The following CNTNAP2 variants were observed in gnomAD, a reference collection of about 807,000 sequenced individuals.
CNTNAP2 encodes contactin associated protein 2, also known as contactin-associated protein-like 2.
In CNTNAP2, 98 loss-of-function variants were observed where a neutral mutation model predicts 155.2. That is an observed-to-expected ratio of 0.63 (90% CI 0.54 to 0.75). The LOEUF (loss-of-function observed/expected upper bound fraction) is 0.75, where lower values mean the gene tolerates loss of function less well. Among genes scored for constraint, CNTNAP2 ranks in the 30% least tolerant of loss-of-function variants. The pLI is 0.00. For synonymous variants in CNTNAP2, 651 were observed against 631.2 expected (o/e 1.03, Z -0.47); for missense variants, 1,727 against 1,688.1 (o/e 1.02, Z -0.40).
intron 1 of CNTNAP2, among the ~76,000 whole-genome samples, chr7:146,721,951 C>G (rs565242521): frequency 1.4e-5 from 2 of 140,612 alleles, no homozygotes; most frequent in Non-Finnish European, 3.0e-5. Flanking sequence ...TGCAGTGGCA[C>G]GACTTCAGCT....
intron 2 of CNTNAP2, among the ~76,000 whole-genome samples, chr7:146,780,043 T>C (rs1802455879): frequency 6.6e-6 from 1 of 152,238 alleles, no homozygotes; most frequent in South Asian, 2.1e-4. Flanking sequence ...AGTAATGGGA[T>C]TGCTGGGTCA....
intron 2 of CNTNAP2, among the ~76,000 whole-genome samples, chr7:146,797,405 A>G (rs1802790804): frequency 6.6e-6 from 1 of 152,164 alleles, no homozygotes; most frequent in South Asian, 2.1e-4. Context: ...TGTCTGATAA[A>G]TTTGCATTTT....
intron 15 of CNTNAP2, among the ~76,000 whole-genome samples, chr7:148,008,416 T>G (rs1274196623): frequency 6.6e-6 from 1 of 152,108 alleles, no homozygotes; most frequent in African/African-American, 2.4e-5. Flanking sequence ...GCATTGAGAT[T>G]AAAGTGTTTT....
chr7:146,454,258 C>G (rs142131752), intron 1 of CNTNAP2, among the ~76,000 whole-genome samples: 3 of 152,098 alleles, frequency 2.0e-5, no homozygotes, highest in African/African-American at 7.2e-5. Context: ...TTAGATCTGT[C>G]GGCCATTTCT....
At chr7:147,017,110 T>C (rs1469837215) in intron 3 of CNTNAP2, among the ~76,000 whole-genome samples, 1 of 152,092 alleles carries the variant, frequency 6.6e-6, no homozygotes, top group Non-Finnish European at 1.5e-5. Context: ...TTGATACATT[T>C]AAAAAGGGCT....
intron 1 of CNTNAP2, among the ~76,000 whole-genome samples, chr7:146,724,675 A>C (rs1368218964): frequency 2.0e-5 from 3 of 147,744 alleles, no homozygotes; most frequent in Non-Finnish European, 4.4e-5. Flanking sequence ...GGTTCAAGCA[A>C]TTCTCCTGTC....
chr7:147,212,302 C>G (rs974742667), intron 8 of CNTNAP2, among the ~76,000 whole-genome samples: 1 of 152,028 alleles, frequency 6.6e-6, no homozygotes, highest in Non-Finnish European at 1.5e-5. Context: ...ATATGTTCAG[C>G]ATAGCATTGT....
chr7:147,195,201 T>C (rs542173010), intron 8 of CNTNAP2, among the ~76,000 whole-genome samples: 67 of 152,324 alleles, frequency 4.4e-4, no homozygotes, highest in Non-Finnish European at 7.2e-4. Context: ...TGCTTGTTTT[T>C]GGCAGGTTTG....
chr7:146,721,112 TTC>T (rs1403200285), intron 1 of CNTNAP2, among the ~76,000 whole-genome samples: 2 of 131,198 alleles, frequency 1.5e-5, no homozygotes, highest in Non-Finnish European at 3.1e-5. Context: ...TCTATATATA[TTC>T]TCTCTATATA....
intron 15 of CNTNAP2, among the ~76,000 whole-genome samples, chr7:147,981,712 A>G (rs1156251571): frequency 6.6e-6 from 1 of 152,108 alleles, no homozygotes; most frequent in African/African-American, 2.4e-5. Flanking sequence ...TCAAAATGCT[A>G]AAGAAAATCA....
At chr7:146,945,189 C>T (rs142746896) in intron 3 of CNTNAP2, among the ~76,000 whole-genome samples, 175 of 152,278 alleles carry the variant, frequency 1.1e-3, no homozygotes, top group African/African-American at 3.3e-3. Context: ...TTCTTGTTAT[C>T]GTCTGCACCC....
chr7:147,651,722 G>A lies in CNTNAP2; in HGVS notation c.2098+12416G>A, dbSNP rs562891799. Among the ~76,000 whole-genome samples, 37 of 152,306 alleles carry A rather than the reference G, an allele frequency of 2.4e-4. 1 individual carries two copies. In the South Asian group the frequency reaches 7.5e-3, roughly 31 times the overall value. On this transcript the variant is annotated intron_variant, in intron 13 of 23. Coordinates refer to ENST00000361727, the MANE Select transcript of CNTNAP2 (RefSeq NM_014141.6). ...AGAGAATCAAGTAGATCAACTCAGG[G>A]AGATAAGTCAAAAGACAAAGACTCC...
Position 147,839,015 on chromosome 7 carries a change from A to C in CNTNAP2, c.2099-64550A>C, listed in dbSNP as rs559599654. 2.6e-5 allele frequency among the ~76,000 whole-genome samples: 4 copies of C among 152,302 alleles called. No homozygotes were observed. The South Asian group carries it at 6.2e-4, about 24-fold the overall frequency. ...CCCACAATAGGCCACCTGCAAGCTG[A>C]GGGGCAAGGAAGCAAGTCCAAGTCC... On this transcript the variant is annotated intron_variant, in intron 13 of 23. Transcript: ENST00000361727.
intron 11 of CNTNAP2, among the ~76,000 whole-genome samples, chr7:147,518,860 G>A (rs991930311): frequency 7.9e-5 from 12 of 151,748 alleles, no homozygotes; most frequent in East Asian, 1.9e-4. Context: ...GTGAAACCCC[G>A]TCTCTACTAA....
intron 3 of CNTNAP2, among the ~76,000 whole-genome samples, chr7:146,971,718 A>G (rs1231896667): frequency 6.6e-6 from 1 of 152,092 alleles, no homozygotes; most frequent in Non-Finnish European, 1.5e-5. Flanking sequence ...CTGGCCTACT[A>G]TAAAAAGGCA....
intron 20 of CNTNAP2, among the ~76,000 whole-genome samples, chr7:148,260,547 G>T (rs1246356026): frequency 1.3e-5 from 2 of 152,214 alleles, no homozygotes; most frequent in African/African-American, 4.8e-5. Context: ...TTGTTGCAGT[G>T]AGGGCTTAGC....
At chr7:148,247,190 C>A (rs1050954945) in intron 20 of CNTNAP2, among the ~76,000 whole-genome samples, 2 of 152,160 alleles carry the variant, frequency 1.3e-5, no homozygotes, top group African/African-American at 4.8e-5. Context: ...GAGTCCAACC[C>A]TTGACCAGTC....
At chr7:147,492,755 T>C (rs1271144068) in intron 11 of CNTNAP2, among the ~76,000 whole-genome samples, 1 of 152,194 alleles carries the variant, frequency 6.6e-6, no homozygotes, top group Non-Finnish European at 1.5e-5. Context: ...ATTTCACTCA[T>C]ACTTATAGAA....
chr7:147,520,927 T>G (rs977569112), intron 11 of CNTNAP2, among the ~76,000 whole-genome samples: 1 of 152,226 alleles, frequency 6.6e-6, no homozygotes. Flanking sequence ...TTTCTGGATA[T>G]CTCCCTCCAA....
Sources: allele counts gnomAD v4.1 joint callset (sites outside exome capture counted in the v4.1 genomes callset), GRCh38; gene constraint gnomAD v4.1.1; transcripts MANE v1.5; gene names NCBI Gene and HGNC (gene_info 2026-07-23, HGNC 2026-07-21).